Variants in SORCS2 observed in about 807,000 individuals in gnomAD.
SORCS2 encodes the protein sortilin related VPS10 domain containing receptor 2.
SORCS2 carries 100 observed loss-of-function variants against 141.6 expected under a neutral mutation model. The observed-to-expected ratio is 0.71, with a 90% CI of 0.60 to 0.83. The LOEUF is 0.83. Among genes scored for constraint, SORCS2 ranks in the 40% least tolerant of loss-of-function variants. The probability of loss-of-function intolerance (pLI) is 0.00; values close to 1 mark genes in which losing one functional copy is unlikely to be tolerated. For missense variants in SORCS2, 1,646 were observed against 1,560.2 expected (o/e 1.05, Z -0.93); for synonymous variants, 789 against 676.9 (o/e 1.17, Z -2.57).
chr4:7,652,714 C>T (rs966606089), intron 4 of SORCS2, among the ~76,000 whole-genome samples: 2 of 152,168 alleles, frequency 1.3e-5, no homozygotes, highest in African/African-American at 4.8e-5. Context: ...TGGGCCCAGG[C>T]CTGGCCTCCT....
At chr4:7,696,118 T>C (rs1486333717) in intron 11 of SORCS2, among the ~76,000 whole-genome samples, 3 of 152,214 alleles carry the variant, frequency 2.0e-5, no homozygotes, top group Admixed American at 6.5e-5. Context: ...ACAATCCATC[T>C]TCTTTGGAAT....
At chr4:7,675,191 C>T (rs1723036126) in intron 8 of SORCS2, among the ~76,000 whole-genome samples, 1 of 152,228 alleles carries the variant, frequency 6.6e-6, no homozygotes, top group African/African-American at 2.4e-5. Flanking sequence ...TGGCTGCTTC[C>T]TGAATTTAAA....
At chr4:7,415,432 C>T (rs1348499937) in intron 2 of SORCS2, among the ~76,000 whole-genome samples, 1 of 152,244 alleles carries the variant, frequency 6.6e-6, no homozygotes, top group Non-Finnish European at 1.5e-5. Flanking sequence ...TCACCTCCCT[C>T]TGACCCTTTT....
intron 1 of SORCS2, among the ~76,000 whole-genome samples, chr4:7,289,883 C>T (rs1208253424): frequency 1.3e-5 from 2 of 152,138 alleles, no homozygotes; most frequent in African/African-American, 4.8e-5. Flanking sequence ...TTCAAAGGAC[C>T]CTAAAACATT....
intron 5 of SORCS2, 121 bp downstream of exon 5, chr4:7,654,328 G>A (rs1037340152): frequency 1.1e-5 from 11 of 1,024,346 alleles, no homozygotes; most frequent in South Asian, 1.1e-4. Context: ...TCCCCATCCC[G>A]GGGCTGGGTC....
intron 3 of SORCS2, among the ~76,000 whole-genome samples, chr4:7,534,873 T>G (rs1397582213): frequency 2.0e-5 from 3 of 152,204 alleles, no homozygotes; most frequent in Non-Finnish European, 4.4e-5. Context: ...GGTGATTTGT[T>G]GCAGCAGCCA....
chr4:7,343,967 C>T (rs968845902), intron 1 of SORCS2, among the ~76,000 whole-genome samples: 6 of 152,138 alleles, frequency 3.9e-5, no homozygotes, highest in African/African-American at 1.4e-4. Flanking sequence ...TAAGGCGTGG[C>T]CATGATGTGT....
rs192170072 is a variant in SORCS2, at chr4:7,727,833, G to C, written c.2870-517G>C. On this transcript the variant is annotated intron_variant, in intron 21 of 26. Transcript: ENST00000507866. ...TGGTGACTTTAGAATTGGGCTTTGA[G>C]CCATGGACTATGGGAAATGTGGGAG... Among the ~76,000 whole-genome samples, 535 of 152,296 alleles carry C rather than the reference G, an allele frequency of 3.5e-3. 5 individuals are homozygous for C. Among genetic ancestry groups the C allele is most frequent in the Non-Finnish European group, 5.1e-3 (346 of 68,016 alleles).
chr4:7,439,134 T>G (rs962989037), intron 2 of SORCS2, among the ~76,000 whole-genome samples: 9 of 152,106 alleles, frequency 5.9e-5, no homozygotes, highest in Admixed American at 3.3e-4. Flanking sequence ...GTGAAAACCT[T>G]ACCTCTTCCT....
intron 2 of SORCS2, among the ~76,000 whole-genome samples, chr4:7,401,932 A>ATGGT (rs1724620402): frequency 6.6e-6 from 1 of 152,156 alleles, no homozygotes. Flanking sequence ...ATATCCTGAA[A>ATGGT]AGTACCTACC....
At chr4:7,227,976 G>A (rs555540309) in intron 1 of SORCS2, among the ~76,000 whole-genome samples, 2 of 152,194 alleles carry the variant, frequency 1.3e-5, no homozygotes, top group Non-Finnish European at 2.9e-5. Context: ...GGGAGCTGAG[G>A]ATGACTGAAC....
rs559078326 is a variant in SORCS2, at chr4:7,353,122, G to A, written c.481-43166G>A. 2.6e-5 allele frequency among the ~76,000 whole-genome samples: 4 copies of A among 152,320 alleles called. No homozygotes were observed. The East Asian group carries it at 5.8e-4, about 22-fold the overall frequency. On this transcript the variant is annotated intron_variant, in intron 1 of 26. Coordinates refer to ENST00000507866, the MANE Select transcript of SORCS2 (RefSeq NM_020777.3). ...TCACTGGGAGGGGGTAGAGGAGGATGGAGTCAGCCACCAGAGGTGGGGACC... is the reference window on the plus strand; with the variant it reads ...TCACTGGGAGGGGGTAGAGGAGGATAGAGTCAGCCACCAGAGGTGGGGACC...
At chr4:7,635,459 A>G (rs1233333186) in intron 3 of SORCS2, among the ~76,000 whole-genome samples, 1 of 152,236 alleles carries the variant, frequency 6.6e-6, no homozygotes, top group Admixed American at 6.5e-5. Flanking sequence ...CGTCCCGCCA[A>G]GCTGCCTTCC....
At chr4:7,555,974 G>A (rs910435712) in intron 3 of SORCS2, among the ~76,000 whole-genome samples, 3 of 152,216 alleles carry the variant, frequency 2.0e-5, no homozygotes, top group Admixed American at 1.3e-4. Flanking sequence ...TTCTGCAGTG[G>A]GTAAGAGTCC....
chr4:7,738,369 T>C (rs1351832123), intron 26 of SORCS2, among the ~76,000 whole-genome samples: 2 of 152,216 alleles, frequency 1.3e-5, no homozygotes, highest in Admixed American at 6.5e-5. Flanking sequence ...TCCCTAGAGC[T>C]GAGGACATGG....
chr4:7,574,930 C>T (rs1391666268), intron 3 of SORCS2, among the ~76,000 whole-genome samples: 6 of 152,236 alleles, frequency 3.9e-5, no homozygotes, highest in South Asian at 2.1e-4. Flanking sequence ...CGCCATGTCC[C>T]GACTCCTGGG....
At chr4:7,726,981 G>A (rs148379056) in intron 21 of SORCS2, 78 bp downstream of exon 21, 17,702 of 1,430,166 alleles carry the variant, frequency 0.012, 142 homozygotes, top group Middle Eastern at 0.015. Context: ...CATGGGTCGC[G>A]TAAGCCATGG....
At chr4:7,445,682 C>T (rs944230197) in intron 2 of SORCS2, among the ~76,000 whole-genome samples, 20 of 152,294 alleles carry the variant, frequency 1.3e-4, no homozygotes, top group Middle Eastern at 3.4e-3. Context: ...CTCTAAGTGG[C>T]ATTGCTCAGG....
At chr4:7,623,371 C>T (rs1022607319) in intron 3 of SORCS2, among the ~76,000 whole-genome samples, 2 of 152,052 alleles carry the variant, frequency 1.3e-5, no homozygotes, top group African/African-American at 2.4e-5. Flanking sequence ...TTTGAAAGCT[C>T]ACCATGCTTG....
Sources: allele counts gnomAD v4.1 joint callset (sites outside exome capture counted in the v4.1 genomes callset), GRCh38; gene constraint gnomAD v4.1.1; transcripts MANE v1.5; gene names NCBI Gene and HGNC (gene_info 2026-07-23, HGNC 2026-07-21).